The following QRICH1 variants were observed in gnomAD, a reference collection of about 807,000 sequenced individuals.
QRICH1 encodes glutamine rich 1, also known as transcriptional regulator QRICH1.
In QRICH1, 16 loss-of-function variants were observed where a neutral mutation model predicts 87.1. The ratio of observed to expected loss-of-function variants is 0.18; its 90% CI spans 0.12 to 0.28. QRICH1 has a LOEUF of 0.28. Among genes scored for constraint, QRICH1 ranks in the 10% least tolerant of loss-of-function variants. The pLI is 1.00. For synonymous variants in QRICH1, 367 were observed against 368.4 expected, an observed-to-expected ratio of 1.00 and a Z score of 0.05; for missense variants, 647 against 951.7, an observed-to-expected ratio of 0.68 and a Z score of 4.21.
Position 49,039,988 on chromosome 3 carries a change from G to C in QRICH1, c.1786+4402C>G, listed in dbSNP as rs1227247710. The stretch of plus-strand genomic sequence containing the variant: ...AGGCACGAGAATCACTTGAACCCCA[G>C]AGGCGGAGGTTGAAGTCAGCCGAGA... On this transcript the variant is annotated intron_variant, in intron 6 of 9. Transcript: ENST00000395443. Among the ~76,000 whole-genome samples the C allele has an allele frequency of 2.0e-5, 3 of 150,480 alleles. No homozygotes were observed. The East Asian group carries it at 5.8e-4, about 29-fold the overall frequency.
chr3:49,066,962 T>TG (rs1045442941), intron 2 of QRICH1, among the ~76,000 whole-genome samples: 4 of 151,490 alleles, frequency 2.6e-5, no homozygotes, highest in Non-Finnish European at 5.9e-5. Context: ...AGCTTGAACC[T>TG]GGGGGGCGGA....
chr3:49,032,073 T>C, intron 9 of QRICH1, 110 bp downstream of exon 9: 2 of 908,798 alleles, frequency 2.2e-6, no homozygotes, highest in Non-Finnish European at 3.4e-6. Flanking sequence ...TTTACTTGGT[T>C]TGGGACTAGA....
At chr3:49,055,827 T>C (rs1320374228) in intron 3 of QRICH1, among the ~76,000 whole-genome samples, 2 of 151,970 alleles carry the variant, frequency 1.3e-5, no homozygotes, top group Non-Finnish European at 2.9e-5. Flanking sequence ...TATAGGTGTG[T>C]GCCACCACAC....
Position 49,057,175 on chromosome 3 carries a change from A to G in QRICH1, c.1025T>C (p.Val342Ala). The G allele has an allele frequency of 6.2e-7, 1 of 1,614,156 alleles. No homozygotes were observed. The highest frequency in any genetic ancestry group is 1.1e-5 in the South Asian group (1 of 91,082). ...TGCCAGGGCTGTGGGTGAGCCACTG[A>G]CGTGAACTGCGTTGTAGGCTTCCTG... ...IPQEAYNAVHVSGSPTALAAV... is the reference protein window; with the variant it reads ...IPQEAYNAVHASGSPTALAAV... The change falls in exon 3 of 10, where the codon GTC becomes GCC. Residue 342 changes from valine to alanine, a missense_variant. Physicochemically the swap from Val to Ala is moderately conservative, Grantham distance 64. Around this residue, in one of 7 missense-constraint regions of QRICH1, gnomAD observed 115 missense variants for 126.8 expected, o/e 0.91. Coordinates refer to ENST00000395443, the MANE Select transcript of QRICH1 (RefSeq NM_198880.3). The surrounding 1 kb of genome is among the most constrained non-coding windows in gnomAD (Gnocchi z 5.4).
At chr3:49,072,936 G>A (rs963645691) in intron 2 of QRICH1, among the ~76,000 whole-genome samples, 1 of 151,998 alleles carries the variant, frequency 6.6e-6, no homozygotes, top group African/African-American at 2.4e-5. Flanking sequence ...TAGCTACTCG[G>A]GAGGCTGAGG....
chr3:49,093,790 C>T (rs978600630), intron 1 of QRICH1, 122 bp downstream of exon 1: 18 of 361,036 alleles, frequency 5.0e-5, no homozygotes, highest in Non-Finnish European at 8.9e-5. Context: ...TCCGGAGCCG[C>T]CCCGAACTCT....
At chr3:49,072,745 A>G (rs2041866490) in intron 2 of QRICH1, among the ~76,000 whole-genome samples, 1 of 152,138 alleles carries the variant, frequency 6.6e-6, no homozygotes, top group African/African-American at 2.4e-5. Flanking sequence ...GAGGAGCTAC[A>G]GTGAAACCTA....
At chr3:49,034,648 C>A (rs920101945) in intron 6 of QRICH1, among the ~76,000 whole-genome samples, 2 of 151,884 alleles carry the variant, frequency 1.3e-5, no homozygotes, top group South Asian at 2.1e-4. Flanking sequence ...AGATCCCCCC[C>A]ACAGGGCTGG....
intron 6 of QRICH1, among the ~76,000 whole-genome samples, chr3:49,036,065 A>C (rs1411901252): frequency 6.6e-6 from 1 of 152,066 alleles, no homozygotes; most frequent in East Asian, 1.9e-4. Context: ...CAGCCTGGGA[A>C]ACAGAGCAAG....
At chr3:49,050,531 A>AT (rs2093364619) in intron 3 of QRICH1, among the ~76,000 whole-genome samples, 1 of 152,006 alleles carries the variant, frequency 6.6e-6, no homozygotes, top group South Asian at 2.1e-4. Flanking sequence ...CTCACTCACT[A>AT]AATTCAAAAA....
intron 1 of QRICH1, among the ~76,000 whole-genome samples, chr3:49,090,755 T>C (rs1426905133): frequency 6.6e-6 from 1 of 152,148 alleles, no homozygotes; most frequent in East Asian, 1.9e-4. Context: ...CTTCCCTCTT[T>C]CAGCAAAGGA....
At chr3:49,081,436 T>A (rs967117468) in intron 1 of QRICH1, among the ~76,000 whole-genome samples, 9 of 150,996 alleles carry the variant, frequency 6.0e-5, no homozygotes, top group South Asian at 2.1e-4. Flanking sequence ...AAAAAAAAAA[T>A]TTCAGAGTAT....
chr3:49,072,649 C>G (rs2041864519), intron 2 of QRICH1, among the ~76,000 whole-genome samples: 1 of 152,088 alleles, frequency 6.6e-6, no homozygotes, highest in Non-Finnish European at 1.5e-5. Flanking sequence ...TAAGCTCATG[C>G]CAACAATTGA....
At chr3:49,094,169 G>A (rs2042336762), upstream of QRICH1, 1 of 395,594 alleles carries the variant, frequency 2.5e-6, no homozygotes, top group South Asian at 1.3e-4. Flanking sequence ...TTCAGCAGGG[G>A]AAGGTGGCCG....
chr3:49,037,630 G>A (rs770172975), intron 6 of QRICH1, among the ~76,000 whole-genome samples: 15 of 152,152 alleles, frequency 9.9e-5, no homozygotes, highest in Admixed American at 2.0e-4. Context: ...TACTCGGGAG[G>A]CTGAGGCAGG....
At chr3:49,051,047 C>T (rs534047298) in intron 3 of QRICH1, among the ~76,000 whole-genome samples, 172 of 152,296 alleles carry the variant, frequency 1.1e-3, no homozygotes, top group African/African-American at 3.5e-3. Flanking sequence ...CATTCTTGCC[C>T]TTTCTTCTAC....
At chr3:49,046,918 C>G in intron 4 of QRICH1, 151 bp downstream of exon 4, 1 of 981,614 alleles carries the variant, frequency 1.0e-6, no homozygotes, top group Non-Finnish European at 1.5e-6. Context: ...GTCAGTACTG[C>G]TTGTTACTAG....
chr3:49,078,393 T>TG (rs1438324994), intron 1 of QRICH1, among the ~76,000 whole-genome samples: 2 of 128,910 alleles, frequency 1.6e-5, no homozygotes, highest in Non-Finnish European at 3.3e-5. Flanking sequence ...TTCCTTTTTT[T>TG]TTTTTTTTTT....
At chr3:49,032,589 C>T (rs1330452157) in intron 8 of QRICH1, 33 bp downstream of exon 8, 1 of 1,539,604 alleles carries the variant, frequency 6.5e-7, no homozygotes, top group Non-Finnish European at 8.8e-7. Context: ...ACAAGTAGCA[C>T]CTGTTTTTGC....
Sources: gnomAD v4.1 joint callset for allele counts (sites outside exome capture counted in the v4.1 genomes callset) on GRCh38, gnomAD v4.1.1 for gene constraint, gnomAD v4.1.1 regional missense constraint, Gnocchi (gnomAD v3.1) non-coding constraint, MANE v1.5 for transcripts, NCBI Gene and HGNC (gene_info 2026-07-23, HGNC 2026-07-21) for gene names.